CEP63: variants seen among roughly 807,000 people sequenced by gnomAD.
CEP63 encodes the protein centrosomal protein 63.
A neutral mutation model predicts 89.1 loss-of-function variants in CEP63; 84 were observed. The ratio of observed to expected loss-of-function variants is 0.94; its 90% CI spans 0.79 to 1.13. The LOEUF is 1.13. CEP63 is among the 50% of genes most tolerant of loss of function. The probability of loss-of-function intolerance (pLI) is 0.00; values close to 1 mark genes in which losing one functional copy is unlikely to be tolerated. For missense variants in CEP63, 838 were observed against 813.3 expected (o/e 1.03, Z -0.37); for synonymous variants, 267 against 272.5 (o/e 0.98, Z 0.20).
chr3:134,531,433 A>T (rs1171784276), intron 3 of CEP63, among the ~76,000 whole-genome samples: 1 of 152,002 alleles, frequency 6.6e-6, no homozygotes, highest in Non-Finnish European at 1.5e-5. Flanking sequence ...AAATATAAAA[A>T]TTCGCCAGGT....
intron 2 of CEP63, among the ~76,000 whole-genome samples, chr3:134,500,531 C>T (rs1941650192): frequency 6.6e-6 from 1 of 152,160 alleles, no homozygotes; most frequent in Non-Finnish European, 1.5e-5. Context: ...AACTGCTTTC[C>T]ACAGGGGTTG....
chr3:134,652,656 A>ACACG, the CEP63 span, among the ~76,000 whole-genome samples: 2 of 148,176 alleles, frequency 1.3e-5, no homozygotes, highest in African/African-American at 2.6e-5. Flanking sequence ...ACACACACAC[A>ACACG]CGCGCGCGCG....
chr3:134,714,349 G>A, the CEP63 span, among the ~76,000 whole-genome samples: 3 of 152,068 alleles, frequency 2.0e-5, no homozygotes, highest in African/African-American at 4.8e-5. Flanking sequence ...GATGCAAGAG[G>A]ACATAAAAGT....
chr3:134,537,326 C>G (rs1950964573), intron 6 of CEP63, 58 bp downstream of exon 6: 1 of 1,070,434 alleles, frequency 9.3e-7, no homozygotes. Flanking sequence ...CAAGTTTGAA[C>G]TACCTTAATG....
At chr3:134,765,560 C>A in the CEP63 span, among the ~76,000 whole-genome samples, 1 of 152,046 alleles carries the variant, frequency 6.6e-6, no homozygotes, top group Non-Finnish European at 1.5e-5. Context: ...TAGGAGAGAA[C>A]CAGAGGAAGT....
the CEP63 span, among the ~76,000 whole-genome samples, chr3:134,599,151 C>T: frequency 6.6e-6 from 1 of 152,210 alleles, no homozygotes; most frequent in Admixed American, 6.5e-5. Context: ...ATCACAAACT[C>T]TCCGGACTGG....
intron 1 of CEP63, among the ~76,000 whole-genome samples, chr3:134,486,960 G>T (rs1405583521): frequency 6.6e-6 from 1 of 152,156 alleles, no homozygotes; most frequent in South Asian, 2.1e-4. Flanking sequence ...CGTCCCTTAC[G>T]ACATCAGGAG....
chr3:134,779,779 G>C, the CEP63 span: 1 of 152,208 alleles, frequency 6.6e-6, no homozygotes, highest in Non-Finnish European at 1.5e-5. Flanking sequence ...CAATTTTGCA[G>C]AAACTGACTT....
chr3:134,486,131 G>C lies in CEP63; in HGVS notation c.-97G>C. 3 of 985,616 alleles carry C rather than the reference G, an allele frequency of 3.0e-6. No individual in the cohort carries two copies. Among genetic ancestry groups the C allele is most frequent in the Non-Finnish European group, 3.6e-6 (3 of 830,042 alleles). 61.1% of individuals were successfully genotyped at this position (985,616 alleles called of 1,614,324 possible). ...TATTAAAAGTGTGGGGGCAGTGGGC[G>C]GAACAAACGCGCCGACTACAGAGGC... On this transcript the variant is annotated 5_prime_UTR_variant, in exon 1 of 15. Coordinates refer to ENST00000675561, the MANE Select transcript of CEP63 (RefSeq NM_001353108.3).
intron 10 of CEP63, among the ~76,000 whole-genome samples, chr3:134,584,103 G>A (rs1036651482): frequency 1.1e-4 from 16 of 152,204 alleles, no homozygotes; most frequent in African/African-American, 3.6e-4. Context: ...TTCTAAATAT[G>A]CAATCATGTC....
chr3:134,655,391 T>C, the CEP63 span, among the ~76,000 whole-genome samples: 2 of 152,242 alleles, frequency 1.3e-5, no homozygotes, highest in African/African-American at 4.8e-5. Context: ...GGCTGCAGCC[T>C]GTTTGGCAGG....
At chr3:134,707,344 G>C in the CEP63 span, among the ~76,000 whole-genome samples, 12 of 152,172 alleles carry the variant, frequency 7.9e-5, no homozygotes, top group Non-Finnish European at 1.3e-4. Context: ...GATAAATAAG[G>C]AAGGCCTGAT....
At chr3:134,579,550 T>C (rs528225885), downstream of CEP63, among the ~76,000 whole-genome samples, 2 of 152,348 alleles carry the variant, frequency 1.3e-5, no homozygotes, top group East Asian at 3.9e-4. Context: ...TGAGCACCTT[T>C]TCATGTGCTT....
chr3:134,709,220 T>C, the CEP63 span, among the ~76,000 whole-genome samples: 6 of 152,166 alleles, frequency 3.9e-5, no homozygotes, highest in African/African-American at 1.4e-4. Flanking sequence ...CAGAATGCAG[T>C]GTGGCTTCAG....
the CEP63 span, chr3:134,607,744 T>C: frequency 1.1e-5 from 11 of 985,716 alleles, no homozygotes; most frequent in Admixed American, 5.5e-4. Flanking sequence ...GTGGTGAAGG[T>C]TGGGAGAGCA....
chr3:134,725,388 C>T, the CEP63 span, among the ~76,000 whole-genome samples: 5 of 152,028 alleles, frequency 3.3e-5, no homozygotes, highest in African/African-American at 1.2e-4. Context: ...AAGTTACACC[C>T]CAAATACATA....
chr3:134,583,097 A>G (rs193185383), intron 10 of CEP63, among the ~76,000 whole-genome samples: 68 of 152,250 alleles, frequency 4.5e-4, no homozygotes, highest in Non-Finnish European at 1.5e-4. Context: ...TCAGATGAGT[A>G]GGTTGCAAAA....
the CEP63 span, among the ~76,000 whole-genome samples, chr3:134,676,642 C>G: frequency 2.0e-5 from 3 of 152,078 alleles, no homozygotes; most frequent in African/African-American, 7.2e-5. Context: ...TGTCTGAGAA[C>G]GGGGTCAACA....
the CEP63 span, among the ~76,000 whole-genome samples, chr3:134,664,417 A>T: frequency 1.3e-5 from 2 of 152,216 alleles, no homozygotes; most frequent in Non-Finnish European, 2.9e-5. Context: ...AACCTAGGAC[A>T]CAAGCGCAGA....
Sources: allele counts gnomAD v4.1 joint callset (sites outside exome capture counted in the v4.1 genomes callset), GRCh38; gene constraint gnomAD v4.1.1; transcripts MANE v1.5; gene names NCBI Gene and HGNC (gene_info 2026-07-23, HGNC 2026-07-21).